The following ANKS1B variants were observed in gnomAD, a reference collection of about 807,000 sequenced individuals.
ANKS1B encodes ankyrin repeat and sterile alpha motif domain-containing protein 1B.
Under a neutral mutation model 148.3 loss-of-function variants are expected in ANKS1B, and 36 were observed. The ratio of observed to expected loss-of-function variants is 0.24; its 90% CI spans 0.19 to 0.32. ANKS1B has a LOEUF of 0.32. ANKS1B is among the 10% of genes least tolerant of loss of function. The pLI is 1.00. For synonymous variants in ANKS1B, 542 were observed against 560.8 expected, an observed-to-expected ratio of 0.97 and a Z score of 0.47; for missense variants, 1,157 against 1,542.6, an observed-to-expected ratio of 0.75 and a Z score of 4.19.
chr12:99,787,108 G>A (rs562127612), intron 4 of ANKS1B, among the ~76,000 whole-genome samples: 43 of 152,272 alleles, frequency 2.8e-4, no homozygotes, highest in Non-Finnish European at 5.4e-4. Context: ...GTATTAAACT[G>A]GATGATAGAT....
chr12:99,290,401 C>T (rs1390422194), intron 12 of ANKS1B, among the ~76,000 whole-genome samples: 3 of 151,734 alleles, frequency 2.0e-5, no homozygotes, highest in Non-Finnish European at 4.4e-5. Context: ...AGGGGACTAC[C>T]TCTAAACTCA....
intron 8 of ANKS1B, among the ~76,000 whole-genome samples, chr12:99,749,321 A>T (rs570286539): frequency 6.6e-6 from 1 of 152,230 alleles, no homozygotes; most frequent in East Asian, 1.9e-4. Flanking sequence ...TTAAGCAAAG[A>T]ACACAATGAA....
intron 25 of ANKS1B, among the ~76,000 whole-genome samples, chr12:98,760,163 CTTTA>C (rs1000018973): frequency 6.6e-6 from 1 of 152,044 alleles, no homozygotes; most frequent in South Asian, 2.1e-4. Flanking sequence ...TATTTTGGAA[CTTTA>C]TTTAAATGAG....
At chr12:99,304,366 T>A (rs941334434) in intron 12 of ANKS1B, among the ~76,000 whole-genome samples, 2 of 152,246 alleles carry the variant, frequency 1.3e-5, no homozygotes, top group African/African-American at 4.8e-5. Context: ...ACGCGGTAGT[T>A]CACATTTGAG....
chr12:99,905,813 C>A (rs1266156596), intron 1 of ANKS1B, among the ~76,000 whole-genome samples: 1 of 152,102 alleles, frequency 6.6e-6, no homozygotes, highest in African/African-American at 2.4e-5. Context: ...ACCCTAATAA[C>A]CCCATTTTAA....
chr12:98,881,384 T>C (rs1056199524), intron 17 of ANKS1B, among the ~76,000 whole-genome samples: 4 of 152,162 alleles, frequency 2.6e-5, no homozygotes, highest in South Asian at 4.1e-4. Flanking sequence ...GTGGGTATTA[T>C]TAAAGTGCAA....
In ANKS1B at chr12:99,512,535, G is replaced by C. The variant is rs149532228; in HGVS notation, c.1273-7894C>G. 1.1e-4 allele frequency among the ~76,000 whole-genome samples: 16 copies of C among 152,170 alleles called. No homozygotes were observed. In the East Asian group the frequency reaches 3.1e-3, roughly 29 times the overall value. On this transcript the variant is annotated intron_variant, in intron 9 of 26. Transcript: ENST00000683438. ...AGAAGGAGAAAAAGCATTTGACCCA[G>C]CAATCCCATTATTGGGTATATACCC...
At chr12:99,812,541 A>ACT (rs2068519274) in intron 2 of ANKS1B, among the ~76,000 whole-genome samples, 1 of 96,578 alleles carries the variant, frequency 1.0e-5, no homozygotes, top group Non-Finnish European at 2.1e-5. Flanking sequence ...ACACACACAC[A>ACT]CACACACACA....
In ANKS1B at chr12:99,391,424, G is replaced by A. The variant is rs192669376; in HGVS notation, c.1756+8207C>T. 1.2e-3 allele frequency among the ~76,000 whole-genome samples: 181 copies of A among 152,146 alleles called. 1 individual carries two copies. Among genetic ancestry groups the A allele is most frequent in the African/African-American group, 4.2e-3 (174 of 41,484 alleles). ...CAGTTTCATGTTAATTTCTACCACA[G>A]GGATTTTTTTAAATATGCTATTCCT... On this transcript the variant is annotated intron_variant, in intron 12 of 26. Coordinates refer to ENST00000683438, the MANE Select transcript of ANKS1B (RefSeq NM_001352186.2).
chr12:99,280,773 G>A (rs1216076589), intron 12 of ANKS1B, among the ~76,000 whole-genome samples: 1 of 152,036 alleles, frequency 6.6e-6, no homozygotes, highest in Non-Finnish European at 1.5e-5. Flanking sequence ...TGGGTCTCCA[G>A]CTTGCTGACT....
At chr12:98,815,164 A>T (rs1419262091) in intron 19 of ANKS1B, among the ~76,000 whole-genome samples, 1 of 152,174 alleles carries the variant, frequency 6.6e-6, no homozygotes, top group Non-Finnish European at 1.5e-5. Flanking sequence ...TTGCTATAAC[A>T]TCTTCCATCA....
At chr12:98,795,844 T>G (rs2098943666) in intron 22 of ANKS1B, among the ~76,000 whole-genome samples, 1 of 152,172 alleles carries the variant, frequency 6.6e-6, no homozygotes, top group Non-Finnish European at 1.5e-5. Context: ...GCAAGTGACT[T>G]AACTTCTCTT....
At chr12:99,189,076 AAACTAGAAAATCTAG>A (rs1169659055) in intron 14 of ANKS1B, among the ~76,000 whole-genome samples, 1 of 152,226 alleles carries the variant, frequency 6.6e-6, no homozygotes, top group Non-Finnish European at 1.5e-5. Context: ...CTACATAAAT[AAACTAGAAAATCTAG>A]AAGAAATGGA....
intron 8 of ANKS1B, among the ~76,000 whole-genome samples, chr12:99,662,533 A>T (rs987532872): frequency 2.0e-5 from 3 of 152,180 alleles, no homozygotes; most frequent in Non-Finnish European, 2.9e-5. Context: ...GCCCTCATAG[A>T]TGTTTTATTA....
At chr12:99,594,175 G>T (rs1249550205) in intron 9 of ANKS1B, among the ~76,000 whole-genome samples, 1 of 152,086 alleles carries the variant, frequency 6.6e-6, no homozygotes, top group Admixed American at 6.6e-5. Flanking sequence ...ACTGTCAAGT[G>T]CTGGAGTTAG....
At chr12:99,696,528 T>TA (rs899977628) in intron 8 of ANKS1B, among the ~76,000 whole-genome samples, 26 of 147,730 alleles carry the variant, frequency 1.8e-4, no homozygotes, top group East Asian at 5.9e-4. Context: ...CATCCACATG[T>TA]AAAAAAAAAA....
chr12:99,690,560 G>A (rs1353775233), intron 8 of ANKS1B, among the ~76,000 whole-genome samples: 2 of 152,168 alleles, frequency 1.3e-5, no homozygotes, highest in African/African-American at 4.8e-5. Context: ...CAGGCCCCAT[G>A]CAAGTCTGAA....
At chr12:99,846,718 A>G (rs1317543524) in intron 1 of ANKS1B, among the ~76,000 whole-genome samples, 1 of 152,152 alleles carries the variant, frequency 6.6e-6, no homozygotes, top group African/African-American at 2.4e-5. Flanking sequence ...ATTTACAAAC[A>G]TAGTGCCATG....
At chr12:99,155,481 A>G (rs976068228) in intron 14 of ANKS1B, among the ~76,000 whole-genome samples, 1 of 152,128 alleles carries the variant, frequency 6.6e-6, no homozygotes, top group Non-Finnish European at 1.5e-5. Context: ...GATATTTATA[A>G]CCCAATCTAC....
Sources: allele counts gnomAD v4.1 joint callset (sites outside exome capture counted in the v4.1 genomes callset), GRCh38; gene constraint gnomAD v4.1.1; transcripts MANE v1.5; gene names NCBI Gene and HGNC (gene_info 2026-07-23, HGNC 2026-07-21).